The following CRYBA4 variants were observed in gnomAD, a reference collection of about 807,000 sequenced individuals.
The protein encoded by CRYBA4 is crystallin beta A4, also known as beta-crystallin A4.
A neutral mutation model predicts 31.7 loss-of-function variants in CRYBA4; 30 were observed. The ratio of observed to expected loss-of-function variants is 0.95; its 90% CI spans 0.71 to 1.28. CRYBA4 has a LOEUF of 1.28. CRYBA4 is among the 50% of genes most tolerant of loss of function. The pLI, the probability that CRYBA4 is intolerant of heterozygous loss-of-function variation, is 0.00. For synonymous variants in CRYBA4, 102 were observed against 102.3 expected, an observed-to-expected ratio of 1.00 and a Z score of 0.02; for missense variants, 225 against 260.7, an observed-to-expected ratio of 0.86 and a Z score of 0.94.
chr22:26,605,529 C>T, the CRYBA4 span, among the ~76,000 whole-genome samples: 3 of 151,986 alleles, frequency 2.0e-5, no homozygotes, highest in Admixed American at 2.0e-4. Context: ...CAAAAATTAT[C>T]TGGGCGTGGC....
chr22:26,618,273 C>T (rs2073091989), upstream of CRYBA4, among the ~76,000 whole-genome samples: 1 of 152,202 alleles, frequency 6.6e-6, no homozygotes, highest in Non-Finnish European at 1.5e-5. Context: ...CAACCCCAGC[C>T]AGGGATGGGC....
chr22:26,625,405 C>T, intron 3 of CRYBA4, 76 bp from the exon 4 acceptor site: 1 of 1,555,928 alleles, frequency 6.4e-7, no homozygotes, highest in East Asian at 2.3e-5. Flanking sequence ...TGTGACCGTT[C>T]TAGACCCAAT....
the CRYBA4 span, among the ~76,000 whole-genome samples, chr22:26,610,365 C>T: frequency 1.3e-5 from 2 of 152,148 alleles, no homozygotes; most frequent in African/African-American, 4.8e-5. Context: ...ATGGCCCTGC[C>T]AGCGCCCACA....
chr22:26,623,712 T>C lies in CRYBA4; in HGVS notation c.158+360T>C, dbSNP rs570463519. Among the ~76,000 whole-genome samples the C allele has an allele frequency of 2.6e-5, 4 of 152,020 alleles. No homozygotes were observed. In the East Asian group the frequency reaches 7.7e-4, roughly 29 times the overall value. ...AATAAACATAATGTTTTAATGCTATTAATTTTTAGCTAAATAGTCTTGCTG... is the reference window on the plus strand; with the variant it reads ...AATAAACATAATGTTTTAATGCTATCAATTTTTAGCTAAATAGTCTTGCTG... On this transcript the variant is annotated intron_variant, in intron 3 of 5. Coordinates refer to ENST00000354760, the MANE Select transcript of CRYBA4 (RefSeq NM_001886.3).
At chr22:26,625,048 C>A (rs1929660311) in intron 3 of CRYBA4, among the ~76,000 whole-genome samples, 1 of 152,200 alleles carries the variant, frequency 6.6e-6, no homozygotes, top group Non-Finnish European at 1.5e-5. Context: ...GGAATTCCAC[C>A]AAGGTGAGAT....
At chr22:26,604,984 C>A in the CRYBA4 span, among the ~76,000 whole-genome samples, 1 of 152,128 alleles carries the variant, frequency 6.6e-6, no homozygotes, top group Non-Finnish European at 1.5e-5. Context: ...CCTCCACTCC[C>A]TCTGCTGCAG....
chr22:26,613,450 C>T, the CRYBA4 span, among the ~76,000 whole-genome samples: 4 of 152,156 alleles, frequency 2.6e-5, no homozygotes, highest in Admixed American at 6.5e-5. Flanking sequence ...GGCAGAAGAA[C>T]GTGGATTGTG....
At chr22:26,604,141 C>G in the CRYBA4 span, among the ~76,000 whole-genome samples, 1 of 11,590 alleles carries the variant, frequency 8.6e-5, no homozygotes, top group Non-Finnish European at 1.2e-4. Context: ...CAGGAAATAG[C>G]AGAGTGATGC....
chr22:26,599,199 G>T, the CRYBA4 span: 1 of 438,942 alleles, frequency 2.3e-6, no homozygotes, highest in Non-Finnish European at 4.2e-6. Flanking sequence ...GCTAGGTGGA[G>T]CAAACTCCTT....
the CRYBA4 span, chr22:26,599,659 T>C: frequency 1.2e-6 from 2 of 1,614,074 alleles, no homozygotes. Context: ...GCCAGGATAC[T>C]GATAGCCAAC....
intron 2 of CRYBA4, 53 bp downstream of exon 2, chr22:26,622,688 T>G: frequency 7.7e-7 from 1 of 1,294,702 alleles, no homozygotes; most frequent in Non-Finnish European, 1.1e-6. Flanking sequence ...AGGGTTCAGG[T>G]CCCCATGAAT....
At chr22:26,613,604 A>G in the CRYBA4 span, among the ~76,000 whole-genome samples, 11 of 152,202 alleles carry the variant, frequency 7.2e-5, no homozygotes, top group Non-Finnish European at 1.5e-5. Context: ...GTGCTTTCCT[A>G]TGCCTGTCTT....
At chr22:26,610,990 G>T in the CRYBA4 span, among the ~76,000 whole-genome samples, 1 of 152,088 alleles carries the variant, frequency 6.6e-6, no homozygotes, top group African/African-American at 2.4e-5. Flanking sequence ...CTTGTCCTGG[G>T]GCTGCCCCTC....
chr22:26,605,203 T>C, the CRYBA4 span, among the ~76,000 whole-genome samples: 1 of 152,128 alleles, frequency 6.6e-6, no homozygotes, highest in Non-Finnish European at 1.5e-5. Flanking sequence ...TCTGCTTTCC[T>C]AGTTAGATTG....
In CRYBA4 at chr22:26,622,622, C is replaced by G. The variant is rs530186829; in HGVS notation, c.26C>G (p.Ala9Gly). 1 of 1,453,444 alleles carries G rather than the reference C, an allele frequency of 6.9e-7. No individual in the cohort carries two copies. The highest frequency in any genetic ancestry group is 1.9e-5 in the Admixed American group (1 of 54,034). The allele number at this position is 1,453,444 out of a possible 1,614,324, so 90.0% of individuals were successfully genotyped here. A position where few individuals can be genotyped will look rare whatever the true frequency, so the allele number is the denominator to read the frequency against. Residue 9 changes from alanine (A) to glycine (G), a missense_variant, in exon 2 of 6, where the codon GCG becomes GGG. Physicochemically the swap from Ala to Gly is moderately conservative, Grantham distance 60 (BLOSUM62 0). Coordinates refer to ENST00000354760, the MANE Select transcript of CRYBA4 (RefSeq NM_001886.3). MTLQCTKS[A>G]GPWKMVVWDE... is the part of the protein sequence containing the mutation. ...ATGACCCTGCAATGCACAAAGTCAG[C>G]GGGACCCTGGAAGGTAGGAAGAGGC...
At chr22:26,606,416 C>G in the CRYBA4 span, among the ~76,000 whole-genome samples, 1 of 152,130 alleles carries the variant, frequency 6.6e-6, no homozygotes, top group Non-Finnish European at 1.5e-5. Flanking sequence ...GTATTTTACA[C>G]TTATGACACA....
the CRYBA4 span, among the ~76,000 whole-genome samples, chr22:26,601,306 G>A: frequency 1.3e-5 from 2 of 152,122 alleles, no homozygotes; most frequent in Admixed American, 1.3e-4. Context: ...ATGGGGCTCC[G>A]TTTTGATAGC....
In CRYBA4 at chr22:26,622,633, A is replaced by G. The variant is rs1486846867; in HGVS notation, c.37A>G (p.Lys13Glu). 4 of 1,609,456 alleles carry G rather than the reference A, an allele frequency of 2.5e-6. No individual in the cohort carries two copies. Among genetic ancestry groups the G allele is most frequent in the Non-Finnish European group, 3.4e-6 (4 of 1,176,594 alleles). The change falls in exon 2 of 6, where the codon AAG (lysine) becomes GAG (glutamate). Residue 13 changes from lysine to glutamate, a missense_variant and splice_region_variant. Coordinates refer to ENST00000354760, the MANE Select transcript of CRYBA4 (RefSeq NM_001886.3). The part of the protein sequence containing the change: ...LQCTKSAGPW[K>E]MVVWDEDGFQ... The stretch of plus-strand genomic sequence containing the variant: ...ATGCACAAAGTCAGCGGGACCCTGG[A>G]AGGTAGGAAGAGGCATGGGGAGGGG...
At chr22:26,603,508 C>T in the CRYBA4 span, among the ~76,000 whole-genome samples, 13 of 149,110 alleles carry the variant, frequency 8.7e-5, no homozygotes, top group East Asian at 6.1e-4. Context: ...CCAGCCTGGG[C>T]GACAGAGCAA....
Sources: gnomAD v4.1 joint callset for allele counts (sites outside exome capture counted in the v4.1 genomes callset) on GRCh38, gnomAD v4.1.1 for gene constraint, MANE v1.5 for transcripts, NCBI Gene and HGNC (gene_info 2026-07-23, HGNC 2026-07-21) for gene names.